Variants in NLGN1 observed in about 807,000 individuals in gnomAD.
The protein encoded by NLGN1 is neuroligin 1.
In NLGN1, 12 loss-of-function variants were observed where a neutral mutation model predicts 65.5. That is an observed-to-expected ratio of 0.18 (90% CI 0.12 to 0.30). The LOEUF (loss-of-function observed/expected upper bound fraction) is 0.30. NLGN1 is among the 10% of genes least tolerant of loss of function. The pLI is 1.00. For synonymous variants in NLGN1, 350 were observed against 359.5 expected, an observed-to-expected ratio of 0.97 and a Z score of 0.30; for missense variants, 750 against 1,007.1, an observed-to-expected ratio of 0.74 and a Z score of 3.46.
At chr3:173,839,700 C>A (rs1292874436) in intron 4 of NLGN1, among the ~76,000 whole-genome samples, 1 of 151,974 alleles carries the variant, frequency 6.6e-6, no homozygotes, top group African/African-American at 2.4e-5. Flanking sequence ...GGATTACAGG[C>A]GTGAGCCGCT....
At chr3:173,490,817 G>C (rs1729007552) in intron 2 of NLGN1, among the ~76,000 whole-genome samples, 1 of 152,060 alleles carries the variant, frequency 6.6e-6, no homozygotes, top group African/African-American at 2.4e-5. Context: ...CACATCCCTT[G>C]TAAGTTGGAT....
intron 4 of NLGN1, among the ~76,000 whole-genome samples, chr3:174,215,121 GTT>G (rs1204493632): frequency 6.6e-6 from 1 of 152,014 alleles, no homozygotes; most frequent in African/African-American, 2.4e-5. Flanking sequence ...TTAACCAGGA[GTT>G]TTTCTCGGTT....
chr3:173,468,590 G>A (rs773459328), intron 2 of NLGN1, among the ~76,000 whole-genome samples: 1 of 152,024 alleles, frequency 6.6e-6, no homozygotes, highest in African/African-American at 2.4e-5. Context: ...AAAACTGGAT[G>A]TGCATTATCC....
chr3:173,417,824 G>A (rs896224164), intron 1 of NLGN1, among the ~76,000 whole-genome samples: 17 of 151,856 alleles, frequency 1.1e-4, no homozygotes, highest in African/African-American at 3.1e-4. Flanking sequence ...TGTTTTTTAG[G>A]TGTTTCTTCT....
chr3:174,112,773 A>C (rs2152622339), intron 4 of NLGN1, among the ~76,000 whole-genome samples: 1 of 152,066 alleles, frequency 6.6e-6, no homozygotes, highest in South Asian at 2.1e-4. Flanking sequence ...GATTAAAATA[A>C]AAATATGATT....
intron 2 of NLGN1, among the ~76,000 whole-genome samples, chr3:173,601,526 G>A (rs1750545956): frequency 6.6e-6 from 1 of 151,834 alleles, no homozygotes; most frequent in Admixed American, 6.6e-5. Flanking sequence ...AATTTTCTGT[G>A]ACTTGTTTTG....
intron 4 of NLGN1, among the ~76,000 whole-genome samples, chr3:173,981,831 A>AT (rs1356828555): frequency 1.3e-5 from 2 of 152,016 alleles, no homozygotes; most frequent in Non-Finnish European, 2.9e-5. Context: ...ACTAATTTTC[A>AT]TTTTCTCTTT....
intron 4 of NLGN1, among the ~76,000 whole-genome samples, chr3:174,001,151 A>C (rs1369066513): frequency 6.6e-6 from 1 of 152,220 alleles, no homozygotes; most frequent in Admixed American, 6.5e-5. Context: ...GAAAGGGAAG[A>C]ACAGATGAGA....
chr3:173,888,707 A>C (rs923716802), intron 4 of NLGN1, among the ~76,000 whole-genome samples: 1 of 152,170 alleles, frequency 6.6e-6, no homozygotes, highest in Non-Finnish European at 1.5e-5. Context: ...TATATAAACC[A>C]GGGAAAGTTT....
intron 2 of NLGN1, among the ~76,000 whole-genome samples, chr3:173,503,074 A>G (rs1455590989): frequency 6.6e-6 from 1 of 151,804 alleles, no homozygotes; most frequent in African/African-American, 2.4e-5. Flanking sequence ...ATGTATGTAT[A>G]TGGCATGTTG....
intron 4 of NLGN1, among the ~76,000 whole-genome samples, chr3:174,163,712 T>A (rs1726991842): frequency 6.6e-6 from 1 of 152,046 alleles, no homozygotes; most frequent in South Asian, 2.1e-4. Flanking sequence ...TCTTATTTCA[T>A]TTAGAATAAT....
At chr3:174,141,938 AT>A (rs1722361024) in intron 4 of NLGN1, among the ~76,000 whole-genome samples, 1 of 152,204 alleles carries the variant, frequency 6.6e-6, no homozygotes, top group African/African-American at 2.4e-5. Context: ...TCATGTGTAT[AT>A]CACATATATA....
chr3:174,226,097 T>A (rs1174460507), intron 4 of NLGN1, among the ~76,000 whole-genome samples: 1 of 152,028 alleles, frequency 6.6e-6, no homozygotes, highest in Non-Finnish European at 1.5e-5. Context: ...CAGTTATGCC[T>A]CAGATCATCA....
At chr3:174,071,055 A>AAAAT (rs954186234) in intron 4 of NLGN1, among the ~76,000 whole-genome samples, 4 of 152,138 alleles carry the variant, frequency 2.6e-5, no homozygotes, top group East Asian at 1.9e-4. Context: ...ACCTTGTCTC[A>AAAAT]AAATAAATAA....
chr3:174,129,646 C>T (rs1719754623), intron 4 of NLGN1, among the ~76,000 whole-genome samples: 1 of 152,160 alleles, frequency 6.6e-6, no homozygotes, highest in Admixed American at 6.5e-5. Flanking sequence ...GGGGATACCC[C>T]AGCCAGTGAA....
chr3:174,040,581 GA>G (rs1732068246), intron 4 of NLGN1, among the ~76,000 whole-genome samples: 1 of 152,032 alleles, frequency 6.6e-6, no homozygotes, highest in Non-Finnish European at 1.5e-5. Context: ...GGACACTACT[GA>G]GAAAATGAAT....
At chr3:173,662,524 T>C (rs1398638649) in intron 3 of NLGN1, among the ~76,000 whole-genome samples, 1 of 152,068 alleles carries the variant, frequency 6.6e-6, no homozygotes, top group Non-Finnish European at 1.5e-5. Flanking sequence ...AATTTATCCA[T>C]TTGAAGTATC....
At chr3:174,257,699 C>T (rs1746050968) in intron 4 of NLGN1, among the ~76,000 whole-genome samples, 1 of 151,358 alleles carries the variant, frequency 6.6e-6, no homozygotes, top group South Asian at 2.1e-4. Context: ...TCAGAGTTGT[C>T]TAGAGGGACA....
rs940656353 is a variant in NLGN1 at position 173,857,002 on chromosome 3, T to G, written c.646+49170T>G. On this transcript the variant is annotated intron_variant, in intron 4 of 6. Coordinates refer to ENST00000457714, the Ensembl canonical transcript of NLGN1. Reference sequence around the variant, plus strand: ...AGAAGCTGGAAAGGCACCTTTGGTATTTGCAAAAGGCGTTAGATAAAAAAA... The same window carrying G: ...AGAAGCTGGAAAGGCACCTTTGGTAGTTGCAAAAGGCGTTAGATAAAAAAA... 7.2e-5 allele frequency among the ~76,000 whole-genome samples: 10 copies of G among 139,766 alleles called. No individual in the cohort carries two copies. The Admixed American group carries it at 7.4e-4, about 10-fold the overall frequency. 91.7% of individuals were successfully genotyped at this position (139,766 alleles called of 152,430 possible). A position where few individuals can be genotyped will look rare whatever the true frequency, so the allele number is the denominator to read the frequency against.
Sources: allele counts gnomAD v4.1 joint callset (sites outside exome capture counted in the v4.1 genomes callset), GRCh38; gene constraint gnomAD v4.1.1; transcripts MANE v1.5; gene names NCBI Gene and HGNC (gene_info 2026-07-23, HGNC 2026-07-21).